Variants in DDX10 observed in about 807,000 individuals in gnomAD.
DDX10 encodes probable ATP-dependent RNA helicase DDX10.
A neutral mutation model predicts 104.3 loss-of-function variants in DDX10; 74 were observed. The observed-to-expected ratio is 0.71, with a 90% CI of 0.59 to 0.86. DDX10 has a LOEUF of 0.86. Among genes scored for constraint, DDX10 ranks in the 40% least tolerant of loss-of-function variants. The pLI is 0.00. For missense variants in DDX10, 952 were observed against 1,040.0 expected, an observed-to-expected ratio of 0.92 and a Z score of 1.16; for synonymous variants, 351 against 353.4, an observed-to-expected ratio of 0.99 and a Z score of 0.08.
intron 13 of DDX10, among the ~76,000 whole-genome samples, chr11:108,791,598 T>A (rs1006476232): frequency 6.6e-6 from 1 of 152,230 alleles, no homozygotes; most frequent in African/African-American, 2.4e-5. Context: ...AGTTCTCTTG[T>A]ATACCTTCCA....
At chr11:108,697,839 GAC>G (rs1407781593) in intron 9 of DDX10, among the ~76,000 whole-genome samples, 1 of 152,140 alleles carries the variant, frequency 6.6e-6, no homozygotes, top group African/African-American at 2.4e-5. Flanking sequence ...ATGGAAAATA[GAC>G]ATCAGATATT....
chr11:108,678,342 A>T lies in DDX10; in HGVS notation c.565A>T (p.Asn189Tyr), dbSNP rs2094229044. The T allele has an allele frequency of 6.2e-7, 1 of 1,612,200 alleles. No homozygotes were observed. Among genetic ancestry groups the T allele is most frequent in the Non-Finnish European group, 8.5e-7 (1 of 1,179,462 alleles). ...TCTAAAACACGAAGCTGAGAGGATC[A>T]ACAACATAAATATACTCGTGTGCAC... ...KDLKHEAERI[N>Y]NINILVCTPG... The change falls in exon 5 of 18, where the codon AAC becomes TAC. Residue 189 changes from asparagine (N) to tyrosine (Y), a missense_variant. This residue lies in a region of DDX10 where 412 missense variants were observed against 479.2 expected (regional missense o/e 0.86). Coordinates refer to ENST00000322536, the MANE Select transcript of DDX10 (RefSeq NM_004398.4).
At chr11:108,730,368 C>T (rs1157620526) in intron 13 of DDX10, among the ~76,000 whole-genome samples, 1 of 152,170 alleles carries the variant, frequency 6.6e-6, no homozygotes, top group Admixed American at 6.5e-5. Flanking sequence ...TAACACACAT[C>T]TCAGTGGTAG....
Position 108,673,536 on chromosome 11 carries a change from A to G in DDX10, c.247+9A>G. The G allele has an allele frequency of 1.9e-6, 3 of 1,573,782 alleles. No homozygotes were observed. The highest frequency in any genetic ancestry group is 1.1e-5 in the South Asian group (1 of 89,434). ...CAAAAAAACATTGAAAGGTAAGTAT[A>G]TGGTGATCTTGGGATGTGTTATTGG... On this transcript the variant is annotated intron_variant, in intron 2 of 17. Transcript: ENST00000322536.
chr11:108,750,210 A>G (rs536688291), intron 13 of DDX10, among the ~76,000 whole-genome samples: 1 of 152,294 alleles, frequency 6.6e-6, no homozygotes, highest in African/African-American at 2.4e-5. Context: ...TTGGGAAACA[A>G]TCAGGAAAGC....
intron 17 of DDX10, among the ~76,000 whole-genome samples, chr11:108,930,986 T>C (rs1281600430): frequency 6.6e-6 from 1 of 152,196 alleles, no homozygotes; most frequent in Non-Finnish European, 1.5e-5. Context: ...GACCTTAACC[T>C]AACAGGGACC....
At chr11:108,794,615 A>G (rs1162096858) in intron 13 of DDX10, among the ~76,000 whole-genome samples, 2 of 151,626 alleles carry the variant, frequency 1.3e-5, no homozygotes, top group African/African-American at 4.9e-5. Context: ...TTTTTACATT[A>G]TTAAGACAAT....
intron 13 of DDX10, among the ~76,000 whole-genome samples, chr11:108,807,653 T>C (rs1334117132): frequency 6.6e-6 from 1 of 152,188 alleles, no homozygotes; most frequent in Non-Finnish European, 1.5e-5. Context: ...GTTCCATTTT[T>C]TGGTAAGGTT....
intron 13 of DDX10, among the ~76,000 whole-genome samples, chr11:108,808,205 G>T (rs565751418): frequency 1.3e-5 from 2 of 152,104 alleles, no homozygotes; most frequent in African/African-American, 4.8e-5. Context: ...GGGAATTTGC[G>T]GAGTTTTTTT....
intron 13 of DDX10, among the ~76,000 whole-genome samples, chr11:108,823,064 C>T (rs1464544482): frequency 6.6e-6 from 1 of 152,160 alleles, no homozygotes; most frequent in Non-Finnish European, 1.5e-5. Flanking sequence ...TGATGTTTCT[C>T]TAGGTGATCC....
intron 16 of DDX10, among the ~76,000 whole-genome samples, chr11:108,856,736 T>C (rs1697742726): frequency 1.3e-5 from 2 of 152,222 alleles, no homozygotes; most frequent in African/African-American, 4.8e-5. Context: ...TTCACCACTT[T>C]AAAATCTTTT....
At chr11:108,722,968 G>T in intron 12 of DDX10, 29 bp from the exon 13 acceptor site, 2 of 1,567,372 alleles carry the variant, frequency 1.3e-6, no homozygotes, top group South Asian at 2.5e-5. Flanking sequence ...GTGTTGAGAT[G>T]ACTGTTTTCA....
intron 13 of DDX10, among the ~76,000 whole-genome samples, chr11:108,741,415 G>A (rs2094325062): frequency 6.6e-6 from 1 of 152,042 alleles, no homozygotes; most frequent in Admixed American, 6.5e-5. Context: ...CCATTTTAAT[G>A]TTGATTGTTC....
At chr11:108,665,715 C>T (rs1232703390) in intron 1 of DDX10, among the ~76,000 whole-genome samples, 2 of 151,978 alleles carry the variant, frequency 1.3e-5, no homozygotes, top group Non-Finnish European at 2.9e-5. Flanking sequence ...ATTAATAATC[C>T]TATTTAACAG....
At chr11:108,907,841 A>G (rs1381930532) in intron 16 of DDX10, among the ~76,000 whole-genome samples, 1 of 152,226 alleles carries the variant, frequency 6.6e-6, no homozygotes, top group African/African-American at 2.4e-5. Flanking sequence ...TATAACCCAA[A>G]TCACCATTAT....
intron 16 of DDX10, among the ~76,000 whole-genome samples, chr11:108,906,950 A>T (rs144177732): frequency 4.1e-4 from 63 of 152,338 alleles, no homozygotes; most frequent in African/African-American, 1.4e-3. Flanking sequence ...TGTGTCTCAG[A>T]TTACATTCTT....
chr11:108,758,588 G>T (rs1210565874), intron 13 of DDX10, among the ~76,000 whole-genome samples: 1 of 152,036 alleles, frequency 6.6e-6, no homozygotes, highest in Non-Finnish European at 1.5e-5. Flanking sequence ...CTTTCTGGGA[G>T]GCTCTAGAGG....
intron 13 of DDX10, among the ~76,000 whole-genome samples, chr11:108,789,379 C>T (rs1029112490): frequency 1.2e-4 from 18 of 152,240 alleles, no homozygotes; most frequent in African/African-American, 4.1e-4. Context: ...ATCTAGGAAA[C>T]AGATCTTTAA....
chr11:108,871,025 C>G (rs1371276913), intron 16 of DDX10, among the ~76,000 whole-genome samples: 5 of 152,042 alleles, frequency 3.3e-5, no homozygotes, highest in African/African-American at 9.7e-5. Flanking sequence ...AGAGGCAGAA[C>G]AGTAAAACAA....
Sources: allele counts gnomAD v4.1 joint callset (sites outside exome capture counted in the v4.1 genomes callset), GRCh38; gene constraint gnomAD v4.1.1; regional missense constraint gnomAD v4.1.1; transcripts MANE v1.5; gene names NCBI Gene and HGNC (gene_info 2026-07-23, HGNC 2026-07-21).